The following ADAMTS8 variants were observed in gnomAD, a reference collection of about 807,000 sequenced individuals.
ADAMTS8 encodes the protein ADAM metallopeptidase with thrombospondin type 1 motif 8.
A neutral mutation model predicts 64.4 loss-of-function variants in ADAMTS8; 50 were observed. The observed-to-expected ratio is 0.78, with a 90% CI of 0.62 to 0.98. ADAMTS8 has a LOEUF of 0.98. ADAMTS8 is among the 50% of genes least tolerant of loss of function. The pLI is 0.00. For missense variants in ADAMTS8, 1,192 were observed against 1,208.2 expected (o/e 0.99, Z 0.20); for synonymous variants, 556 against 533.6 (o/e 1.04, Z -0.58).
intron 2 of ADAMTS8, among the ~76,000 whole-genome samples, chr11:130,418,261 CG>C (rs35261951): frequency 7.1e-6 from 1 of 141,686 alleles, no homozygotes; most frequent in African/African-American, 3.2e-5. Context: ...GTGATAAGAT[CG>C]GGAAATCTCT....
rs1861859520 is a variant in ADAMTS8, at chr11:130,405,115, G to A, written c.*443C>T. ...AGACAGCTTGGGGTCCAGCTTTGGAGCCTGCTTTGACATTCACCATTGACT... is the reference window on the plus strand; with the variant it reads ...AGACAGCTTGGGGTCCAGCTTTGGAACCTGCTTTGACATTCACCATTGACT... On this transcript the variant is annotated 3_prime_UTR_variant, in exon 9 of 9. Coordinates refer to ENST00000257359, the MANE Select transcript of ADAMTS8 (RefSeq NM_007037.6). The A allele has an allele frequency of 1.0e-6, 1 of 992,854 alleles. No individual in the cohort carries two copies. The highest frequency in any genetic ancestry group is 1.7e-5 in the African/African-American group (1 of 57,424). 61.5% of individuals were successfully genotyped at this position (992,854 alleles called of 1,614,324 possible). A position where few individuals can be genotyped will look rare whatever the true frequency, so the allele number is the denominator to read the frequency against.
At position 130,411,425 on chromosome 11, in the gene ADAMTS8, G is replaced by C; in HGVS notation, c.1742C>G (p.Pro581Arg). ...KYQSCHTEEC[P>R]PDGKSFREQQ... ...CCCTGAGTGGTAATTACCGTCAGGGGGGCATTCCTCCGTGTGGCATGACTG... is the reference window on the plus strand; with the variant it reads ...CCCTGAGTGGTAATTACCGTCAGGGCGGCATTCCTCCGTGTGGCATGACTG... Residue 581 changes from proline (P) to arginine (R), a missense_variant, in exon 6 of 9, where the codon CCC (proline) becomes CGC (arginine). Physicochemically the swap from Pro to Arg is moderately radical, Grantham distance 103. Transcript: ENST00000257359. This position sits in a 1 kb window ranked among gnomAD's most constrained non-coding sequence, Gnocchi z 4.2. 6.2e-7 allele frequency: 1 copy of C among 1,613,882 alleles called. No homozygotes were observed. Among genetic ancestry groups the C allele is most frequent in the Non-Finnish European group, 8.5e-7 (1 of 1,179,872 alleles).
At chr11:130,412,437 C>T (rs1263256834) in intron 5 of ADAMTS8, among the ~76,000 whole-genome samples, 1 of 152,108 alleles carries the variant, frequency 6.6e-6, no homozygotes, top group African/African-American at 2.4e-5. Flanking sequence ...TGGTCTTGAA[C>T]TCCTGACCTC....
rs77766669 is a variant in ADAMTS8 at position 130,412,149 on chromosome 11, C to T, written c.1567-549G>A. ...CTCTGGTCTAAAGGAAACATCCCTG[C>T]GAGGTGTTGCCATAGTCTACCAGCC... On this transcript the variant is annotated intron_variant, in intron 5 of 8. Transcript: ENST00000257359. 1,378 of 153,232 alleles carry T rather than the reference C, an allele frequency of 9.0e-3. 20 individuals carry two copies. Among genetic ancestry groups the T allele is most frequent in the African/African-American group, 0.031 (1,307 of 41,572 alleles). The allele number at this position is 153,232 out of a possible 1,614,324, so 9.5% of individuals were successfully genotyped here.
chr11:130,407,643 G>A (rs145894827), intron 8 of ADAMTS8, among the ~76,000 whole-genome samples: 1 of 152,294 alleles, frequency 6.6e-6, no homozygotes, highest in African/African-American at 2.4e-5. Context: ...TGTACTGGAG[G>A]CAGACAGGCA....
Position 130,428,225 on chromosome 11 carries a change from A to AGCAGCAGCG in ADAMTS8, c.61_62insCGCTGCTGC (p.Leu20_Leu21insProLeuLeu). On this transcript the variant is annotated inframe_insertion, in exon 1 of 9. Transcript: ENST00000257359. ...GGCCGGGGCGCCGCGGGCCAGCGGC[A>AGCAGCAGCG]GCAGCAGCAGCAGCAGCAGCAGGAG... 4.7e-6 allele frequency: 1 copy of AGCAGCAGCG among 211,276 alleles called. No homozygotes were observed. The highest frequency in any genetic ancestry group is 6.9e-6 in the Non-Finnish European group (1 of 144,702). The allele number at this position is 211,276 out of a possible 1,614,324, so 13.1% of individuals were successfully genotyped here. A position where few individuals can be genotyped will look rare whatever the true frequency, so the allele number is the denominator to read the frequency against.
Position 130,408,590 on chromosome 11 carries a change from C to T in ADAMTS8, c.1973G>A (p.Arg658His), listed in dbSNP as rs537374281. Residue 658 changes from arginine (R) to histidine (H), a missense_variant, in exon 8 of 9, where the codon CGT (arginine) becomes CAT (histidine). By Grantham distance (29) the Arg-to-His change is conservative. Coordinates refer to ENST00000257359, the MANE Select transcript of ADAMTS8 (RefSeq NM_007037.6). ...ACAGCCGGCCTTGACACACTGGCCA[C>T]GGACACAGATGGCCAGTGTTTCTGG... ...CGPETLAICV[R>H]GQCVKAGCDH... 39 of 1,614,150 alleles carry T rather than the reference C, an allele frequency of 2.4e-5. No homozygotes were observed. The highest frequency in any genetic ancestry group is 1.3e-4 in the South Asian group (12 of 91,078).
chr11:130,420,843 C>T (rs968054306), intron 1 of ADAMTS8, among the ~76,000 whole-genome samples: 1 of 152,114 alleles, frequency 6.6e-6, no homozygotes, highest in African/African-American at 2.4e-5. Flanking sequence ...GGACAAAAAG[C>T]AATCACATCA....
chr11:130,416,016 G>T lies in ADAMTS8; in HGVS notation c.1264+147C>A. ...TGGGGCCAGAAGAGCAGACTTCGGGGGTGGTGTGAATGCCCCAGCGTGGGA... is the reference window on the plus strand; with the variant it reads ...TGGGGCCAGAAGAGCAGACTTCGGGTGTGGTGTGAATGCCCCAGCGTGGGA... On this transcript the variant is annotated intron_variant, in intron 4 of 8. Coordinates refer to ENST00000257359, the MANE Select transcript of ADAMTS8 (RefSeq NM_007037.6). The surrounding 1 kb of genome is among the most constrained non-coding windows in gnomAD (Gnocchi z 4.8). The T allele has an allele frequency of 1.1e-6, 1 of 910,194 alleles. No homozygotes were observed. Among genetic ancestry groups the T allele is most frequent in the Non-Finnish European group, 1.6e-6 (1 of 626,914 alleles). 56.4% of individuals were successfully genotyped at this position (910,194 alleles called of 1,614,324 possible). A position where few individuals can be genotyped will look rare whatever the true frequency, so the allele number is the denominator to read the frequency against.
Position 130,428,295 on chromosome 11 carries a change from C to T in ADAMTS8, c.-9G>A. The T allele has an allele frequency of 8.1e-7, 1 of 1,239,842 alleles. No individual in the cohort carries two copies. The highest frequency in any genetic ancestry group is 2.3e-5 in the South Asian group (1 of 43,874). The allele number at this position is 1,239,842 out of a possible 1,614,324, so 76.8% of individuals were successfully genotyped here. ...GCGGGGGCGGGGAGCATGGGGGCTG[C>T]GGCGGTGGCTGCGCGCAGGAGAGGG... is the stretch of plus-strand genomic sequence containing the variant. On this transcript the variant is annotated 5_prime_UTR_variant, in exon 1 of 9. Coordinates refer to ENST00000257359, the MANE Select transcript of ADAMTS8 (RefSeq NM_007037.6).
chr11:130,421,929 C>G (rs894547130), intron 1 of ADAMTS8, among the ~76,000 whole-genome samples: 1 of 152,196 alleles, frequency 6.6e-6, no homozygotes, highest in Non-Finnish European at 1.5e-5. Flanking sequence ...AGAATGTGAA[C>G]GGGGTCCTGG....
intron 2 of ADAMTS8, among the ~76,000 whole-genome samples, chr11:130,417,575 C>T (rs1047858752): frequency 1.3e-5 from 2 of 151,454 alleles, no homozygotes; most frequent in East Asian, 2.0e-4. Context: ...ACTTTAGAGA[C>T]GAGGTCTGGC....
At position 130,427,998 on chromosome 11, in the gene ADAMTS8, GC is replaced by G. The variant is rs1449969621; in HGVS notation, c.288del (p.Leu97CysfsTer10). The G allele has an allele frequency of 9.2e-6, 14 of 1,526,446 alleles. No individual in the cohort carries two copies. Among genetic ancestry groups the G allele is most frequent in the African/African-American group, 1.4e-5 (1 of 71,276 alleles). The allele number at this position is 1,526,446 out of a possible 1,614,324, so 94.6% of individuals were successfully genotyped here. A position where few individuals can be genotyped will look rare whatever the true frequency, so the allele number is the denominator to read the frequency against. On this transcript the variant is annotated frameshift_variant, in exon 1 of 9. Coordinates refer to ENST00000257359, the MANE Select transcript of ADAMTS8 (RefSeq NM_007037.6). LOFTEE classifies it high-confidence loss of function. ...GSGRATGGER[G>X]LRGCFFSGTV... Reference sequence around the variant, plus strand: ...GTGCCGGAGAAGAAGCAGCCGCGCAGCCCCCGCTCGCCCCCGGTCGCCCGGC... The same window carrying G: ...GTGCCGGAGAAGAAGCAGCCGCGCAGCCCCGCTCGCCCCCGGTCGCCCGGC...
chr11:130,415,399 G>C (rs1862008288), intron 4 of ADAMTS8, among the ~76,000 whole-genome samples: 1 of 152,210 alleles, frequency 6.6e-6, no homozygotes, highest in South Asian at 2.1e-4. Flanking sequence ...CACCTCCCGG[G>C]TTCAAGCGAT....
In ADAMTS8 at chr11:130,406,059, G is replaced by A. The variant is rs757472033; in HGVS notation, c.2169C>T (p.His723=). The change falls in exon 9 of 9, where the codon CAC becomes CAT. Residue 723 remains histidine, a synonymous_variant. Coordinates refer to ENST00000257359, the MANE Select transcript of ADAMTS8 (RefSeq NM_007037.6). ...AGTTCCCATCGTTCTGCACACCCGGGTGGCTCCGCTGCTTCACGTCAATAT... is the reference window on the plus strand; with the variant it reads ...AGTTCCCATCGTTCTGCACACCCGGATGGCTCCGCTGCTTCACGTCAATAT... ...ATNIDVKQRS[H]PGVQNDGNYL... is the part of the protein sequence containing the mutation. 6.2e-7 allele frequency: 1 copy of A among 1,613,952 alleles called. No homozygotes were observed. Among genetic ancestry groups the A allele is most frequent in the Non-Finnish European group, 8.5e-7 (1 of 1,180,034 alleles).
chr11:130,413,063 G>T (rs535656535), intron 5 of ADAMTS8, among the ~76,000 whole-genome samples: 2 of 152,196 alleles, frequency 1.3e-5, no homozygotes, highest in South Asian at 2.1e-4. Flanking sequence ...TAGAGACAGG[G>T]TTTCACCATG....
intron 2 of ADAMTS8, among the ~76,000 whole-genome samples, 186 bp from the exon 3 acceptor site, chr11:130,417,261 A>ATTG (rs1862039585): frequency 6.6e-6 from 1 of 151,444 alleles, no homozygotes; most frequent in African/African-American, 2.4e-5. Flanking sequence ...TATTATTATT[A>ATTG]TTATTATTAT....
Position 130,416,218 on chromosome 11 carries a change from C to T in ADAMTS8, c.1209G>A (p.Leu403=), listed in dbSNP as rs1862022084. The T allele has an allele frequency of 6.3e-7, 1 of 1,596,272 alleles. No individual in the cohort carries two copies. The highest frequency in any genetic ancestry group is 8.5e-7 in the Non-Finnish European group (1 of 1,172,116). ...ACATGGCGCTGCAGGGGGACCAGGG[C>T]AGCGTCTGGTTCAGGTGGACGAACA... The part of the protein sequence containing the change: ...APLFVHLNQT[L]PWSPCSAMYL... Residue 403 remains leucine (L), a synonymous_variant, in exon 4 of 9, where the codon CTG becomes CTA. Coordinates refer to ENST00000257359, the MANE Select transcript of ADAMTS8 (RefSeq NM_007037.6). This position sits in a 1 kb window ranked among gnomAD's most constrained non-coding sequence, Gnocchi z 4.8.
intron 1 of ADAMTS8, 129 bp from the exon 2 acceptor site, chr11:130,419,421 C>T (rs59254214): frequency 1.5e-6 from 2 of 1,290,936 alleles, no homozygotes; most frequent in African/African-American, 3.0e-5. Flanking sequence ...CCTCACAATA[C>T]CCCCGAGGTC....
Sources: gnomAD v4.1 joint callset for allele counts (sites outside exome capture counted in the v4.1 genomes callset) on GRCh38, gnomAD v4.1.1 for gene constraint, Gnocchi (gnomAD v3.1) non-coding constraint, MANE v1.5 for transcripts, NCBI Gene and HGNC (gene_info 2026-07-23, HGNC 2026-07-21) for gene names.